Variants in C8orf74 observed in about 807,000 individuals in gnomAD.
C8orf74 encodes chromosome 8 open reading frame 74.
In C8orf74, 29 loss-of-function variants were observed where a neutral mutation model predicts 22.2. The ratio of observed to expected loss-of-function variants is 1.31; its 90% CI spans 0.97 to 1.78. The LOEUF (loss-of-function observed/expected upper bound fraction) is 1.78. Among genes scored for constraint, C8orf74 ranks in the 40% most tolerant of loss-of-function variants. The pLI, the probability that C8orf74 is intolerant of heterozygous loss-of-function variation, is 0.00. For synonymous variants in C8orf74, 255 were observed against 163.1 expected (o/e 1.56, Z -4.30); for missense variants, 515 against 369.9 (o/e 1.39, Z -3.22).
chr8:10,700,411 G>A lies in C8orf74; in HGVS notation c.825G>A (p.Gln275=), dbSNP rs1461963393. ...CCCCCATCACCAGCCACGCAGGCCAGGAGGAAGCCCTGAAGCCCCAAAGAG... is the reference window on the plus strand; with the variant it reads ...CCCCCATCACCAGCCACGCAGGCCAAGAGGAAGCCCTGAAGCCCCAAAGAG... ...IPPPITSHAG[Q]EEALKPQRAS... The change falls in exon 4 of 4, where the codon CAG becomes CAA. Residue 275 remains glutamine, a synonymous_variant. Coordinates refer to ENST00000304519, the MANE Select transcript of C8orf74 (RefSeq NM_001040032.2). The A allele has an allele frequency of 6.1e-6, 9 of 1,465,888 alleles. No homozygotes were observed. In the East Asian group the frequency reaches 1.2e-4, roughly 20 times the overall value. 90.8% of individuals were successfully genotyped at this position (1,465,888 alleles called of 1,614,324 possible). A position where few individuals can be genotyped will look rare whatever the true frequency, so the allele number is the denominator to read the frequency against.
At chr8:10,697,219 G>A (rs1231755376) in intron 2 of C8orf74, among the ~76,000 whole-genome samples, 1 of 152,030 alleles carries the variant, frequency 6.6e-6, no homozygotes, top group African/African-American at 2.4e-5. Context: ...CAGGAGGATC[G>A]CTTGAGCTCA....
intron 2 of C8orf74, among the ~76,000 whole-genome samples, chr8:10,677,745 C>G (rs1168734508): frequency 2.0e-5 from 3 of 152,122 alleles, no homozygotes; most frequent in African/African-American, 7.2e-5. Flanking sequence ...GTGAGGTGGT[C>G]AGGGATGTAC....
chr8:10,690,861 T>C (rs1221480010), intron 2 of C8orf74: 1 of 455,814 alleles, frequency 2.2e-6, no homozygotes, highest in South Asian at 1.6e-5. Context: ...GTGCTGCATA[T>C]CCTCGCAGGT....
rs566330759 is a variant in C8orf74, at chr8:10,698,004, A to C, written c.647A>C (p.Gln216Pro). ...CAGCCCGGCCAGGTCCTGGAGAGACAGGTGAGGCTCTGCCCCCCTGCCGTG... is the reference window on the plus strand; with the variant it reads ...CAGCCCGGCCAGGTCCTGGAGAGACCGGTGAGGCTCTGCCCCCCTGCCGTG... ...PAQPGQVLERQELESLICQAV... is the reference protein window; with the variant it reads ...PAQPGQVLERPELESLICQAV... The change falls in exon 3 of 4, where the codon CAG becomes CCG. Residue 216 changes from glutamine to proline, a missense_variant and splice_region_variant. Physicochemically the swap from Gln to Pro is moderately conservative, Grantham distance 76. Coordinates refer to ENST00000304519, the MANE Select transcript of C8orf74 (RefSeq NM_001040032.2). 4.4e-5 allele frequency: 65 copies of C among 1,473,904 alleles called. No homozygotes were observed. In the African/African-American group the frequency reaches 7.7e-4, roughly 17 times the overall value. 91.3% of individuals were successfully genotyped at this position (1,473,904 alleles called of 1,614,324 possible). A position where few individuals can be genotyped will look rare whatever the true frequency, so the allele number is the denominator to read the frequency against.
chr8:10,683,922 C>T (rs1441274748), intron 2 of C8orf74, among the ~76,000 whole-genome samples: 1 of 152,156 alleles, frequency 6.6e-6, no homozygotes, highest in African/African-American at 2.4e-5. Flanking sequence ...TTGAGCCTTC[C>T]ACCGGCTGGC....
At position 10,700,378 on chromosome 8, in the gene C8orf74, TA is replaced by T; in HGVS notation, c.793del (p.Ile265SerfsTer15). ...KTLNLNAPTP[I>X]PPPITSHAGQ... The stretch of plus-strand genomic sequence containing the variant: ...CTCTGAACCTCAACGCCCCCACCCC[TA>T]TCCCGCCCCCCATCACCAGCCACGC... On this transcript the variant is annotated frameshift_variant, in exon 4 of 4. Coordinates refer to ENST00000304519, the MANE Select transcript of C8orf74 (RefSeq NM_001040032.2). LOFTEE classifies it low-confidence loss of function (END_TRUNC). The T allele has an allele frequency of 5.1e-6, 4 of 781,280 alleles. No individual in the cohort carries two copies. Among genetic ancestry groups the T allele is most frequent in the South Asian group, 2.8e-5 (2 of 72,376 alleles). The allele number at this position is 781,280 out of a possible 1,614,324, so 48.4% of individuals were successfully genotyped here.
At chr8:10,691,558 C>G (rs1366100482) in intron 2 of C8orf74, 1 of 153,496 alleles carries the variant, frequency 6.5e-6, no homozygotes, top group Non-Finnish European at 1.5e-5. Context: ...ATGAAGCTCA[C>G]ACACTGTCGC....
intron 2 of C8orf74, among the ~76,000 whole-genome samples, chr8:10,696,242 G>A (rs1351302871): frequency 6.6e-6 from 1 of 151,946 alleles, no homozygotes; most frequent in Non-Finnish European, 1.5e-5. Context: ...GTGAAGGGGA[G>A]AGGAGGAGAG....
At chr8:10,697,402 G>A (rs1423170371) in intron 2 of C8orf74, among the ~76,000 whole-genome samples, 197 bp from the exon 3 acceptor site, 1 of 152,060 alleles carries the variant, frequency 6.6e-6, no homozygotes, top group Non-Finnish European at 1.5e-5. Flanking sequence ...AGTGAGCTAC[G>A]ATTGCACCAC....
In C8orf74 at chr8:10,672,678, A is replaced by G. The variant is rs1358231835; in HGVS notation, c.13A>G (p.Thr5Ala). The G allele has an allele frequency of 6.4e-7, 1 of 1,566,328 alleles. No homozygotes were observed. The highest frequency in any genetic ancestry group is 2.4e-5 in the East Asian group (1 of 42,088). The change falls in exon 1 of 4, where the codon ACA becomes GCA. Residue 5 changes from threonine (T) to alanine (A), a missense_variant. Coordinates refer to ENST00000304519, the MANE Select transcript of C8orf74 (RefSeq NM_001040032.2). ...AGATGCAGGGGCCATGGCACTCTTAACACCCCAGGGAGTGAAAGAAGTCTT... is the reference window on the plus strand; with the variant it reads ...AGATGCAGGGGCCATGGCACTCTTAGCACCCCAGGGAGTGAAAGAAGTCTT... MALL[T>A]PQGVKEVFQL... is the part of the protein sequence containing the mutation.
intron 2 of C8orf74, among the ~76,000 whole-genome samples, chr8:10,683,432 C>T (rs1799194128): frequency 6.6e-6 from 1 of 152,210 alleles, no homozygotes; most frequent in Admixed American, 6.5e-5. Flanking sequence ...ACTGGTCAGC[C>T]TTGGAGCCCC....
intron 2 of C8orf74, among the ~76,000 whole-genome samples, chr8:10,696,015 G>A (rs561556071): frequency 2.0e-5 from 3 of 152,156 alleles, no homozygotes; most frequent in South Asian, 2.1e-4. Flanking sequence ...CGGTGTCTGC[G>A]AGAACCCAGG....
At chr8:10,681,056 A>G in intron 2 of C8orf74, among the ~76,000 whole-genome samples, 1 of 151,506 alleles carries the variant, frequency 6.6e-6, no homozygotes, top group Non-Finnish European at 1.5e-5. Context: ...TCTAGATAAC[A>G]AAGCTGGCAG....
chr8:10,687,788 A>C (rs573464900), intron 2 of C8orf74, among the ~76,000 whole-genome samples: 13 of 152,316 alleles, frequency 8.5e-5, no homozygotes, highest in African/African-American at 3.1e-4. Flanking sequence ...TCTTAAAGTA[A>C]ATCTTTCATT....
chr8:10,685,568 G>A (rs772795395), intron 2 of C8orf74, among the ~76,000 whole-genome samples: 37 of 152,248 alleles, frequency 2.4e-4, no homozygotes, highest in Middle Eastern at 3.4e-3. Context: ...GTATGAGTCC[G>A]TCTATGAGGA....
At chr8:10,694,454 A>G (rs1013491613) in intron 2 of C8orf74, among the ~76,000 whole-genome samples, 5 of 152,286 alleles carry the variant, frequency 3.3e-5, no homozygotes, top group African/African-American at 7.2e-5. Flanking sequence ...GAAGGCTTCA[A>G]TATTTAAAGG....
At chr8:10,687,741 C>G (rs2129057647) in intron 2 of C8orf74, among the ~76,000 whole-genome samples, 1 of 151,850 alleles carries the variant, frequency 6.6e-6, no homozygotes, top group South Asian at 2.1e-4. Context: ...CATCATTGCA[C>G]AAATTAGGAA....
At chr8:10,696,428 TTTCTTTTC>T (rs1472555842) in intron 2 of C8orf74, among the ~76,000 whole-genome samples, 4 of 139,516 alleles carry the variant, frequency 2.9e-5, no homozygotes, top group African/African-American at 1.3e-4. Context: ...TTTCTTTTCT[TTTCTTTTC>T]TTTTCTTTTT....
intron 3 of C8orf74, 62 bp from the exon 4 acceptor site, chr8:10,700,173 T>G: frequency 5.6e-6 from 6 of 1,077,782 alleles, no homozygotes; most frequent in Non-Finnish European, 6.8e-6. Context: ...AGGGGCTGAG[T>G]TGAGAACTGG....
Sources: gnomAD v4.1 joint callset for allele counts (sites outside exome capture counted in the v4.1 genomes callset) on GRCh38, gnomAD v4.1.1 for gene constraint, MANE v1.5 for transcripts, NCBI Gene and HGNC (gene_info 2026-07-23, HGNC 2026-07-21) for gene names.